The following NCKAP5 variants were observed in gnomAD, a reference collection of about 807,000 sequenced individuals.
NCKAP5 encodes NCK associated protein 5, also known as nck-associated protein 5.
A neutral mutation model predicts 167.0 loss-of-function variants in NCKAP5; 92 were observed. The observed-to-expected ratio is 0.55, with a 90% CI of 0.47 to 0.66. NCKAP5 has a LOEUF of 0.66. Among genes scored for constraint, NCKAP5 ranks in the 30% least tolerant of loss-of-function variants. The pLI is 0.00. For missense variants in NCKAP5, 2,378 were observed against 2,315.0 expected, an observed-to-expected ratio of 1.03 and a Z score of -0.56; for synonymous variants, 891 against 877.4, an observed-to-expected ratio of 1.02 and a Z score of -0.27.
intron 3 of NCKAP5, among the ~76,000 whole-genome samples, chr2:133,433,096 C>T (rs1428947163): frequency 2.0e-5 from 3 of 152,250 alleles, no homozygotes; most frequent in African/African-American, 7.2e-5. Flanking sequence ...GACCACTTTC[C>T]CAGGCATACC....
rs547280597 is a variant in NCKAP5 at position 133,521,963 on chromosome 2, G to A, written c.-61-4376C>T. On this transcript the variant is annotated intron_variant, in intron 2 of 19. Coordinates refer to ENST00000409261, the MANE Select transcript of NCKAP5 (RefSeq NM_207363.3). Reference sequence around the variant, plus strand: ...CTCCAGACTCCACACCTCTCTGCTTGTTATGTGACTGTTGGATCTTACTGC... The same window carrying A: ...CTCCAGACTCCACACCTCTCTGCTTATTATGTGACTGTTGGATCTTACTGC... 6.6e-4 allele frequency among the ~76,000 whole-genome samples: 101 copies of A among 152,264 alleles called. 2 individuals are homozygous for A. In the South Asian group the frequency reaches 0.011, roughly 16 times the overall value.
At chr2:132,950,620 A>G (rs1242395888) in intron 8 of NCKAP5, among the ~76,000 whole-genome samples, 1 of 152,222 alleles carries the variant, frequency 6.6e-6, no homozygotes, top group Non-Finnish European at 1.5e-5. Flanking sequence ...TCTTTCTCTC[A>G]TAAAACTAGA....
At chr2:132,949,369 C>T (rs978604091) in intron 8 of NCKAP5, among the ~76,000 whole-genome samples, 7 of 152,176 alleles carry the variant, frequency 4.6e-5, no homozygotes, top group Non-Finnish European at 7.3e-5. Flanking sequence ...AGAGCCCACA[C>T]CACCTCCAAC....
chr2:133,057,074 T>A (rs2079829739), intron 6 of NCKAP5, among the ~76,000 whole-genome samples: 3 of 152,202 alleles, frequency 2.0e-5, no homozygotes, highest in Admixed American at 1.3e-4. Flanking sequence ...ATCTTTGATG[T>A]GACTATTGTC....
chr2:132,879,264 T>C (rs1691564372), intron 8 of NCKAP5, among the ~76,000 whole-genome samples: 1 of 152,226 alleles, frequency 6.6e-6, no homozygotes, highest in South Asian at 2.1e-4. Context: ...ATCCACTTCA[T>C]TAAGGCCCAT....
chr2:133,257,014 C>T (rs770537489), intron 4 of NCKAP5, among the ~76,000 whole-genome samples: 6 of 152,122 alleles, frequency 3.9e-5, no homozygotes, highest in Non-Finnish European at 5.9e-5. Flanking sequence ...AAGAAAAGTG[C>T]GAATTTTGCA....
chr2:133,506,650 C>A (rs1464670711), intron 3 of NCKAP5, among the ~76,000 whole-genome samples: 3 of 152,200 alleles, frequency 2.0e-5, no homozygotes, highest in Non-Finnish European at 4.4e-5. Flanking sequence ...CCACATGGTT[C>A]TATAGCCACT....
chr2:133,655,318 C>A, the NCKAP5 span, among the ~76,000 whole-genome samples: 3 of 152,094 alleles, frequency 2.0e-5, no homozygotes, highest in South Asian at 2.1e-4. Context: ...AGCCTTAAGG[C>A]CCATATTGAG....
intron 3 of NCKAP5, among the ~76,000 whole-genome samples, chr2:133,485,597 C>T (rs914520961): frequency 1.3e-5 from 2 of 152,160 alleles, no homozygotes; most frequent in African/African-American, 4.8e-5. Flanking sequence ...CTGAAGTCAT[C>T]GATCGGCACA....
intron 3 of NCKAP5, among the ~76,000 whole-genome samples, chr2:133,438,837 C>A (rs1450799339): frequency 6.6e-6 from 1 of 152,142 alleles, no homozygotes; most frequent in South Asian, 2.1e-4. Flanking sequence ...TTATTTTTTA[C>A]TGCTGCTTTT....
At position 132,925,137 on chromosome 2, in the gene NCKAP5, G is replaced by A. The variant is rs116560663; in HGVS notation, c.579+38583C>T. The stretch of plus-strand genomic sequence containing the variant: ...AATTTTTCCATGGACTTTGTTGGGG[G>A]GTGGGGAATGGTTTCAGGATGAAAC... On this transcript the variant is annotated intron_variant, in intron 8 of 19. Transcript: ENST00000409261. Among the ~76,000 whole-genome samples, 662 of 152,086 alleles carry A rather than the reference G, an allele frequency of 4.4e-3. 11 individuals are homozygous for A. The highest frequency in any genetic ancestry group is 6.7e-3 in the Non-Finnish European group (454 of 67,996).
At chr2:132,802,465 G>A (rs887737645) in intron 11 of NCKAP5, among the ~76,000 whole-genome samples, 1 of 152,128 alleles carries the variant, frequency 6.6e-6, no homozygotes, top group Non-Finnish European at 1.5e-5. Flanking sequence ...TGTCTTAGGC[G>A]GGCCCTGGGC....
At chr2:132,787,658 G>A (rs1459197049) in intron 13 of NCKAP5, among the ~76,000 whole-genome samples, 2 of 152,102 alleles carry the variant, frequency 1.3e-5, no homozygotes, top group African/African-American at 4.8e-5. Flanking sequence ...ACCGTCAGAA[G>A]TTGCTGGCAG....
chr2:133,149,197 C>T (rs779037072), intron 5 of NCKAP5, among the ~76,000 whole-genome samples: 1 of 152,170 alleles, frequency 6.6e-6, no homozygotes, highest in South Asian at 2.1e-4. Context: ...TACATAGAAG[C>T]TTCTAACATC....
intron 3 of NCKAP5, among the ~76,000 whole-genome samples, chr2:133,451,464 T>C (rs1691546152): frequency 6.6e-6 from 1 of 152,224 alleles, no homozygotes; most frequent in Admixed American, 6.5e-5. Flanking sequence ...CATTTTCTGC[T>C]GAAAAGTGAG....
chr2:133,674,244 GAA>G, the NCKAP5 span, among the ~76,000 whole-genome samples: 9 of 149,348 alleles, frequency 6.0e-5, no homozygotes, highest in Admixed American at 2.7e-4. Context: ...AGGGAAAAAA[GAA>G]AAAAAAAAAC....
At chr2:133,165,733 ATCT>A (rs1311728993) in intron 5 of NCKAP5, among the ~76,000 whole-genome samples, 10 of 152,158 alleles carry the variant, frequency 6.6e-5, no homozygotes, top group African/African-American at 2.4e-4. Flanking sequence ...ATCACCTGCC[ATCT>A]TTGGTATCAG....
intron 16 of NCKAP5, among the ~76,000 whole-genome samples, chr2:132,750,037 T>C (rs1207047017): frequency 1.3e-5 from 2 of 152,208 alleles, no homozygotes; most frequent in East Asian, 3.9e-4. Flanking sequence ...AAGGTTTGTT[T>C]AGTTAATAAG....
At chr2:132,966,308 C>T (rs919683351) in intron 7 of NCKAP5, among the ~76,000 whole-genome samples, 8 of 152,154 alleles carry the variant, frequency 5.3e-5, no homozygotes, top group Admixed American at 1.3e-4. Context: ...CCAGGTTAGC[C>T]AGGCTGGTCT....
Sources: allele counts gnomAD v4.1 joint callset (sites outside exome capture counted in the v4.1 genomes callset), GRCh38; gene constraint gnomAD v4.1.1; transcripts MANE v1.5; gene names NCBI Gene and HGNC (gene_info 2026-07-23, HGNC 2026-07-21).